The following GRAMD4 variants were observed in gnomAD, a reference collection of about 807,000 sequenced individuals.
The protein encoded by GRAMD4 is GRAM domain-containing protein 4.
A neutral mutation model predicts 83.9 loss-of-function variants in GRAMD4; 25 were observed. That is an observed-to-expected ratio of 0.30 (90% CI 0.22 to 0.42). The LOEUF (loss-of-function observed/expected upper bound fraction) is 0.42. Among genes scored for constraint, GRAMD4 ranks in the 10% least tolerant of loss-of-function variants. The pLI, the probability that GRAMD4 is intolerant of heterozygous loss-of-function variation, is 1.00. For missense variants in GRAMD4, 593 were observed against 788.7 expected (o/e 0.75, Z 2.97); for synonymous variants, 336 against 320.9 (o/e 1.05, Z -0.50).
chr22:46,628,764 G>T lies in GRAMD4; in HGVS notation c.162+1803G>T, dbSNP rs188682367. The stretch of plus-strand genomic sequence containing the variant: ...GTCTTCACCTGGGGCAGAACATCTG[G>T]ATTTGGGGGGCATCAGGGATCCCCT... On this transcript the variant is annotated intron_variant, in intron 2 of 18. Coordinates refer to ENST00000406902, the MANE Select transcript of GRAMD4 (RefSeq NM_015124.5). 4.1e-4 allele frequency among the ~76,000 whole-genome samples: 62 copies of T among 152,248 alleles called. 1 individual carries two copies. In the East Asian group the frequency reaches 0.012, roughly 29 times the overall value.
Position 46,673,651 on chromosome 22 carries a change from C to G in GRAMD4, c.1240-19C>G. ...GCGTGGGCAGCGGGCCTGACCTCGACGCTGTTTGCCGTTGGCAGCTGCAGA... is the reference window on the plus strand; with the variant it reads ...GCGTGGGCAGCGGGCCTGACCTCGAGGCTGTTTGCCGTTGGCAGCTGCAGA... On this transcript the variant is annotated intron_variant, in intron 14 of 18. Coordinates refer to ENST00000406902, the MANE Select transcript of GRAMD4 (RefSeq NM_015124.5). 6.2e-7 allele frequency: 1 copy of G among 1,607,194 alleles called. No individual in the cohort carries two copies.
intron 2 of GRAMD4, among the ~76,000 whole-genome samples, chr22:46,636,500 C>T (rs765292777): frequency 3.3e-5 from 5 of 152,240 alleles, no homozygotes; most frequent in Admixed American, 6.5e-5. Context: ...GTTCCCGAAG[C>T]CAGCGCCTTA....
At chr22:46,655,284 G>T (rs546814846) in intron 3 of GRAMD4, among the ~76,000 whole-genome samples, 1 of 151,984 alleles carries the variant, frequency 6.6e-6, no homozygotes, top group Non-Finnish European at 1.5e-5. Flanking sequence ...GTGGGTGGGG[G>T]CCTCGGGAGG....
At chr22:46,579,840 A>G (rs950977460) in intron 1 of GRAMD4, among the ~76,000 whole-genome samples, 3 of 151,954 alleles carry the variant, frequency 2.0e-5, no homozygotes, top group Non-Finnish European at 4.4e-5. Flanking sequence ...GGAGCTGGGG[A>G]GGCGTCCCTG....
At chr22:46,623,230 G>A (rs2081603206) in intron 1 of GRAMD4, among the ~76,000 whole-genome samples, 1 of 152,154 alleles carries the variant, frequency 6.6e-6, no homozygotes, top group African/African-American at 2.4e-5. Flanking sequence ...TGGTCTTGAT[G>A]GATGGTGTGT....
intron 1 of GRAMD4, among the ~76,000 whole-genome samples, chr22:46,596,950 G>A (rs1386708819): frequency 6.6e-6 from 1 of 152,222 alleles, no homozygotes; most frequent in Non-Finnish European, 1.5e-5. Flanking sequence ...GATGGCTGCA[G>A]GGCTGGCTTA....
In GRAMD4 at chr22:46,582,158, C is replaced by T. The variant is rs145554806; in HGVS notation, c.-50+4868C>T. On this transcript the variant is annotated intron_variant, in intron 1 of 1. Transcript: ENST00000431155. ...TTTGCAGTGGCCGAGTCACTGCCCT[C>T]TGTGAAGTGAGGTCCAAGGAGGCAG... is the stretch of plus-strand genomic sequence containing the variant. Among the ~76,000 whole-genome samples, 32 of 152,238 alleles carry T rather than the reference C, an allele frequency of 2.1e-4. No homozygotes were observed. The East Asian group carries it at 5.4e-3, about 26-fold the overall frequency.
At chr22:46,648,931 G>C (rs988459444) in intron 3 of GRAMD4, among the ~76,000 whole-genome samples, 1 of 115,800 alleles carries the variant, frequency 8.6e-6, no homozygotes, top group Admixed American at 8.0e-5. Context: ...TGGATGGATG[G>C]ATGCATGGAT....
chr22:46,587,858 A>G (rs962658220), intron 1 of GRAMD4: 2 of 969,830 alleles, frequency 2.1e-6, no homozygotes, highest in Non-Finnish European at 2.4e-6. Context: ...CGTGTGCGCC[A>G]GAAGCCCGGG....
chr22:46,675,643 C>A, intron 17 of GRAMD4, 91 bp downstream of exon 17: 2 of 852,218 alleles, frequency 2.3e-6, no homozygotes, highest in Non-Finnish European at 4.0e-6. Context: ...CTTCTGCCAG[C>A]CTCTGTCAGC....
downstream of GRAMD4, among the ~76,000 whole-genome samples, chr22:46,681,349 A>G (rs546345920): frequency 1.3e-5 from 2 of 152,340 alleles, no homozygotes; most frequent in East Asian, 3.9e-4. Context: ...TTTTGCGTAT[A>G]TTTCACCATT....
chr22:46,599,393 A>C (rs1020743173), intron 1 of GRAMD4, among the ~76,000 whole-genome samples: 2 of 151,682 alleles, frequency 1.3e-5, no homozygotes, highest in African/African-American at 4.9e-5. Flanking sequence ...ATCTTGGCTC[A>C]CTGCAACCTC....
chr22:46,591,547 C>T (rs1480025599), intron 1 of GRAMD4, among the ~76,000 whole-genome samples: 1 of 151,440 alleles, frequency 6.6e-6, no homozygotes, highest in Non-Finnish European at 1.5e-5. Flanking sequence ...ATAAAGGCCA[C>T]CCCCGGGCCG....
intron 2 of GRAMD4, 51 bp downstream of exon 2, chr22:46,627,012 C>A: frequency 7.3e-7 from 1 of 1,366,230 alleles, no homozygotes; most frequent in Non-Finnish European, 1.0e-6. Flanking sequence ...CGTCCCCGTC[C>A]TCTGTGGCCG....
chr22:46,597,002 G>A (rs1271788135), intron 1 of GRAMD4, among the ~76,000 whole-genome samples: 1 of 152,144 alleles, frequency 6.6e-6, no homozygotes, highest in Non-Finnish European at 1.5e-5. Context: ...CCTTCTCAGC[G>A]TCCATCCATC....
intron 3 of GRAMD4, among the ~76,000 whole-genome samples, chr22:46,653,993 C>T (rs865790605): frequency 2.6e-5 from 4 of 152,208 alleles, no homozygotes; most frequent in Non-Finnish European, 4.4e-5. Flanking sequence ...CAGCTGGCTC[C>T]GAATTTGGGA....
In GRAMD4 at chr22:46,677,437, G is replaced by C. The variant is rs1320304222; in HGVS notation, c.*186G>C. On this transcript the variant is annotated 3_prime_UTR_variant, in exon 19 of 19. Transcript: ENST00000406902. ...GACCAAGAAGGGGCCAGGGCTCACA[G>C]GGACGGGGGTGCCCCTCTCCCACAG... 3.7e-6 allele frequency: 5 copies of C among 1,360,490 alleles called. No individual in the cohort carries two copies. The African/African-American group carries it at 5.8e-5, about 16-fold the overall frequency. 84.3% of individuals were successfully genotyped at this position (1,360,490 alleles called of 1,614,324 possible).
chr22:46,668,786 C>T lies in GRAMD4; in HGVS notation c.975-13C>T, dbSNP rs753502660. ...CGGCGCCCGCCCGGCCTGAGCCTCC[C>T]GTCTCCTTCCAGCTTGTTCATGTGG... is the stretch of plus-strand genomic sequence containing the variant. On this transcript the variant is annotated splice_polypyrimidine_tract_variant and intron_variant, in intron 12 of 18. Transcript: ENST00000406902. 2.2e-5 allele frequency: 31 copies of T among 1,406,766 alleles called. No homozygotes were observed. The highest frequency in any genetic ancestry group is 1.4e-4 in the East Asian group (4 of 28,014). 87.1% of individuals were successfully genotyped at this position (1,406,766 alleles called of 1,614,324 possible). A position where few individuals can be genotyped will look rare whatever the true frequency, so the allele number is the denominator to read the frequency against.
chr22:46,602,378 A>G (rs2081319844), intron 1 of GRAMD4, among the ~76,000 whole-genome samples: 1 of 152,168 alleles, frequency 6.6e-6, no homozygotes. Context: ...TCCCAAGGCA[A>G]TTTAGTTTGT....
Sources: gnomAD v4.1 joint callset for allele counts (sites outside exome capture counted in the v4.1 genomes callset) on GRCh38, gnomAD v4.1.1 for gene constraint, MANE v1.5 for transcripts, NCBI Gene and HGNC (gene_info 2026-07-23, HGNC 2026-07-21) for gene names.